Variants in RBFOX1 observed in about 807,000 individuals in gnomAD.
RBFOX1 encodes RNA binding fox-1 homolog 1.
RBFOX1 carries 8 observed loss-of-function variants against 57.7 expected under a neutral mutation model. The ratio of observed to expected loss-of-function variants is 0.14; its 90% CI spans 0.08 to 0.25. RBFOX1 has a LOEUF of 0.25. RBFOX1 is among the 10% of genes least tolerant of loss of function. The pLI is 1.00. For missense variants in RBFOX1, 611 were observed against 548.5 expected, an observed-to-expected ratio of 1.11 and a Z score of -1.14; for synonymous variants, 326 against 222.4, an observed-to-expected ratio of 1.47 and a Z score of -4.15.
At chr16:7,213,557 CAA>C (rs34274577) in intron 4 of RBFOX1, among the ~76,000 whole-genome samples, 16 of 144,864 alleles carry the variant, frequency 1.1e-4, no homozygotes, top group African/African-American at 2.5e-4. Context: ...CCTCTAATGC[CAA>C]AAAAAAAAAC....
At chr16:6,542,925 C>T (rs546079682) in intron 2 of RBFOX1, among the ~76,000 whole-genome samples, 1 of 152,084 alleles carries the variant, frequency 6.6e-6, no homozygotes, top group African/African-American at 2.4e-5. Context: ...CGTGCTGAGT[C>T]ACAGTTAGAA....
chr16:6,438,293 A>G (rs969314052), intron 2 of RBFOX1, among the ~76,000 whole-genome samples: 9 of 152,180 alleles, frequency 5.9e-5, no homozygotes, highest in Non-Finnish European at 1.2e-4. Context: ...AACCTGTGAA[A>G]GGTGTACTGT....
chr16:7,511,205 T>C (rs1451892164), intron 4 of RBFOX1, among the ~76,000 whole-genome samples: 20 of 152,226 alleles, frequency 1.3e-4, no homozygotes, highest in Admixed American at 1.3e-3. Flanking sequence ...TTAAAGATTC[T>C]TTTTCAGTTG....
intron 4 of RBFOX1, among the ~76,000 whole-genome samples, chr16:7,219,258 G>A (rs906461015): frequency 6.6e-6 from 1 of 152,154 alleles, no homozygotes; most frequent in Admixed American, 6.5e-5. Flanking sequence ...AGTAAAATGG[G>A]CTTTCTTTTG....
At chr16:7,548,595 T>G (rs1025611045) in intron 5 of RBFOX1, among the ~76,000 whole-genome samples, 2 of 152,186 alleles carry the variant, frequency 1.3e-5, no homozygotes, top group Admixed American at 6.5e-5. Context: ...TGCACACACA[T>G]GCGGTTGCAC....
chr16:7,400,655 C>A (rs2098226147), intron 4 of RBFOX1, among the ~76,000 whole-genome samples: 1 of 152,128 alleles, frequency 6.6e-6, no homozygotes, highest in African/African-American at 2.4e-5. Flanking sequence ...CATTCTTCAG[C>A]CATTTGGAGG....
chr16:5,636,732 C>T (rs2048696970), intron 3 of RBFOX1, among the ~76,000 whole-genome samples: 1 of 152,180 alleles, frequency 6.6e-6, no homozygotes, highest in Non-Finnish European at 1.5e-5. Flanking sequence ...GGCAGTGGAC[C>T]AGGTGAGACC....
rs2082955681 is a variant in RBFOX1, at chr16:6,961,306, G to C, written c.-15-90751G>C. 3.3e-5 allele frequency among the ~76,000 whole-genome samples: 5 copies of C among 152,212 alleles called. No homozygotes were observed. In the South Asian group the frequency reaches 1.0e-3, roughly 32 times the overall value. On this transcript the variant is annotated intron_variant, in intron 3 of 15. Coordinates refer to ENST00000550418, the MANE Select transcript of RBFOX1 (RefSeq NM_018723.4). ...AGAGGAGAGCTAAGCAATGCAGACA[G>C]TCCTGGCCATGCAAGTGGAGCCCCT...
chr16:6,667,535 C>G (rs144557575), intron 3 of RBFOX1, among the ~76,000 whole-genome samples: 37 of 152,126 alleles, frequency 2.4e-4, no homozygotes, highest in African/African-American at 8.4e-4. Context: ...ACTCAATGAG[C>G]TCTTACACTG....
intron 2 of RBFOX1, among the ~76,000 whole-genome samples, chr16:6,647,994 A>C (rs1055905817): frequency 3.9e-5 from 6 of 152,152 alleles, no homozygotes; most frequent in African/African-American, 1.2e-4. Flanking sequence ...CGTGTGTGCC[A>C]CCATGCCCAG....
intron 2 of RBFOX1, among the ~76,000 whole-genome samples, chr16:6,320,035 T>C (rs1216620971): frequency 2.0e-5 from 3 of 152,156 alleles, no homozygotes; most frequent in Non-Finnish European, 4.4e-5. Flanking sequence ...CCAATAAGAA[T>C]TGCGTCAATT....
intron 14 of RBFOX1, among the ~76,000 whole-genome samples, chr16:7,694,916 C>CCAGTATGTT (rs1435132941): frequency 1.3e-5 from 2 of 152,112 alleles, no homozygotes; most frequent in Non-Finnish European, 2.9e-5. Context: ...TGTGCATGTT[C>CCAGTATGTT]CAGTATGTTA....
intron 4 of RBFOX1, among the ~76,000 whole-genome samples, chr16:7,089,311 A>G (rs992748132): frequency 6.6e-6 from 1 of 152,232 alleles, no homozygotes; most frequent in Non-Finnish European, 1.5e-5. Context: ...AGAGAGTTCT[A>G]TCTAACAACA....
intron 2 of RBFOX1, among the ~76,000 whole-genome samples, chr16:6,597,464 G>T (rs1309485566): frequency 1.3e-5 from 2 of 152,040 alleles, no homozygotes; most frequent in African/African-American, 4.8e-5. Context: ...ACAAGGTCAG[G>T]AGTTTGAGAC....
rs1198796721 is a variant in RBFOX1 at position 6,570,005 on chromosome 16, A to G, written c.-63-84598A>G. ...GAAGAAGTCGTTAGGAAACCCTTGC[A>G]TTCTCTTCTGGTTTAGAGGACGACC... On this transcript the variant is annotated intron_variant, in intron 2 of 15. Coordinates refer to ENST00000550418, the MANE Select transcript of RBFOX1 (RefSeq NM_018723.4). 2.6e-5 allele frequency among the ~76,000 whole-genome samples: 4 copies of G among 152,184 alleles called. No individual in the cohort carries two copies. In the South Asian group the frequency reaches 6.2e-4, roughly 24 times the overall value.
At chr16:5,609,696 A>G (rs60036435) in intron 3 of RBFOX1, among the ~76,000 whole-genome samples, 61,585 of 152,070 alleles carry the variant, frequency 0.4, 17,129 homozygotes, top group African/African-American at 0.8. Flanking sequence ...ACTGTTTTTC[A>G]TGGTCCTCAT....
At chr16:5,286,191 TG>T (rs2063390684) in intron 1 of RBFOX1, among the ~76,000 whole-genome samples, 1 of 152,134 alleles carries the variant, frequency 6.6e-6, no homozygotes, top group Non-Finnish European at 1.5e-5. Context: ...CTAGGGACCA[TG>T]GGCAGTGTAT....
intron 3 of RBFOX1, among the ~76,000 whole-genome samples, chr16:6,839,997 A>G (rs564262152): frequency 2.1e-4 from 32 of 152,316 alleles, no homozygotes; most frequent in African/African-American, 7.2e-4. Flanking sequence ...TGGTATAAAC[A>G]AAATAATATC....
At chr16:7,024,923 G>T (rs1313120247) in intron 3 of RBFOX1, among the ~76,000 whole-genome samples, 1 of 152,182 alleles carries the variant, frequency 6.6e-6, no homozygotes, top group South Asian at 2.1e-4. Context: ...TTATAGAGGA[G>T]GACACTGAGG....
Sources: allele counts gnomAD v4.1 joint callset (sites outside exome capture counted in the v4.1 genomes callset), GRCh38; gene constraint gnomAD v4.1.1; transcripts MANE v1.5; gene names NCBI Gene and HGNC (gene_info 2026-07-23, HGNC 2026-07-21).